BEND7: variants seen among roughly 807,000 people sequenced by gnomAD.
BEND7 encodes BEN domain-containing protein 7.
In BEND7, 28 loss-of-function variants were observed where a neutral mutation model predicts 50.9. The ratio of observed to expected loss-of-function variants is 0.55; its 90% CI spans 0.41 to 0.75. The LOEUF is 0.75. Ranked by LOEUF, BEND7 falls within the 30% of genes least tolerant of loss-of-function variation. BEND7 has a pLI of 0.00. For synonymous variants in BEND7, 170 were observed against 183.9 expected, an observed-to-expected ratio of 0.92 and a Z score of 0.61; for missense variants, 477 against 491.3, an observed-to-expected ratio of 0.97 and a Z score of 0.28.
chr10:13,450,886 G>C (rs1837524169), intron 7 of BEND7, among the ~76,000 whole-genome samples: 1 of 152,036 alleles, frequency 6.6e-6, no homozygotes. Flanking sequence ...ATGAGACATG[G>C]TTAGGGGATG....
At chr10:13,462,906 A>T (rs1465745066) in intron 6 of BEND7, among the ~76,000 whole-genome samples, 3 of 152,270 alleles carry the variant, frequency 2.0e-5, no homozygotes, top group Non-Finnish European at 4.4e-5. Context: ...TAGAGCAAAA[A>T]GACAGATGAT....
At chr10:13,464,594 A>G (rs1227673085) in intron 6 of BEND7, among the ~76,000 whole-genome samples, 1 of 152,110 alleles carries the variant, frequency 6.6e-6, no homozygotes, top group East Asian at 1.9e-4. Context: ...TAGAGAGGGG[A>G]TATGAAGTAA....
upstream of BEND7, among the ~76,000 whole-genome samples, chr10:13,529,201 G>GCCCGGGCACGGCCGGCCTGCCTGC (rs2079583226): frequency 6.9e-6 from 1 of 145,632 alleles, no homozygotes; most frequent in African/African-American, 2.5e-5. Context: ...CAGCGCCCTG[G>GCCCGGGCACGGCCGGCCTGCCTGC]CCCGGGCCCG....
intron 3 of BEND7, 145 bp from the exon 4 acceptor site, chr10:13,497,033 G>C: frequency 1.0e-6 from 1 of 977,530 alleles, no homozygotes; most frequent in Non-Finnish European, 1.4e-6. Flanking sequence ...TAAGGAAAAC[G>C]TACCCACTAA....
At chr10:13,446,378 T>A (rs1836325396) in intron 8 of BEND7, 1 of 152,208 alleles carries the variant, frequency 6.6e-6, no homozygotes, top group South Asian at 2.1e-4. Context: ...CTACACAACC[T>A]AGAGACTCCA....
At chr10:13,449,017 CAT>C (rs1282531743) in intron 7 of BEND7, among the ~76,000 whole-genome samples, 27 of 143,706 alleles carry the variant, frequency 1.9e-4, no homozygotes, top group Non-Finnish European at 4.6e-5. Context: ...TATTTAACAA[CAT>C]AAAAATATTC....
chr10:13,461,274 C>T (rs1201116149), intron 6 of BEND7, among the ~76,000 whole-genome samples: 1 of 152,304 alleles, frequency 6.6e-6, no homozygotes, highest in East Asian at 1.9e-4. Flanking sequence ...CAGGTTTCTA[C>T]ACCCACAGGG....
intron 7 of BEND7, among the ~76,000 whole-genome samples, chr10:13,449,835 G>C (rs2130979678): frequency 6.6e-6 from 1 of 152,318 alleles, no homozygotes; most frequent in South Asian, 2.1e-4. Context: ...TGCATGAATA[G>C]GGGCTGAGAG....
chr10:13,473,572 A>G (rs1174637313), intron 6 of BEND7, among the ~76,000 whole-genome samples: 1 of 90,642 alleles, frequency 1.1e-5, no homozygotes, highest in Non-Finnish European at 2.2e-5. Context: ...TAGGGCCAAT[A>G]TTGTCATCGC....
chr10:13,463,744 T>G (rs2073952097), intron 6 of BEND7, among the ~76,000 whole-genome samples: 1 of 152,098 alleles, frequency 6.6e-6, no homozygotes, highest in African/African-American at 2.4e-5. Context: ...CTGTCAAATC[T>G]CAACTTCGGT....
chr10:13,479,390 A>G (rs1054786314), intron 6 of BEND7, among the ~76,000 whole-genome samples: 1 of 152,164 alleles, frequency 6.6e-6, no homozygotes, highest in Non-Finnish European at 1.5e-5. Context: ...CACTTGTCAC[A>G]ATCTATTTCT....
chr10:13,439,392 G>A (rs754419392), downstream of BEND7: 17 of 1,614,142 alleles, frequency 1.1e-5, no homozygotes, highest in Non-Finnish European at 1.4e-5. Flanking sequence ...CCAGGGTTCT[G>A]CCATCTGTCC....
intron 6 of BEND7, among the ~76,000 whole-genome samples, chr10:13,453,021 C>T (rs1424720550): frequency 6.6e-6 from 1 of 152,208 alleles, no homozygotes; most frequent in African/African-American, 2.4e-5. Flanking sequence ...AAAGAGTTCA[C>T]TTTTTTGTTG....
At chr10:13,471,939 C>T (rs775933108) in intron 6 of BEND7, among the ~76,000 whole-genome samples, 2 of 151,718 alleles carry the variant, frequency 1.3e-5, no homozygotes, top group South Asian at 2.1e-4. Flanking sequence ...GACTCGGGGT[C>T]GATATCATCA....
intron 2 of BEND7, among the ~76,000 whole-genome samples, chr10:13,520,049 T>C (rs2078978606): frequency 6.6e-6 from 1 of 152,150 alleles, no homozygotes; most frequent in Non-Finnish European, 1.5e-5. Context: ...GAGCGGGGCC[T>C]CACTCCTCCA....
At chr10:13,458,131 G>A (rs1190113735) in intron 6 of BEND7, among the ~76,000 whole-genome samples, 1 of 152,240 alleles carries the variant, frequency 6.6e-6, no homozygotes, top group Non-Finnish European at 1.5e-5. Context: ...TGCTCAATCT[G>A]ATCCGTCCAT....
chr10:13,523,392 C>T (rs1014061360), intron 2 of BEND7, among the ~76,000 whole-genome samples: 2 of 152,248 alleles, frequency 1.3e-5, no homozygotes, highest in African/African-American at 4.8e-5. Flanking sequence ...ACAGCCTAAA[C>T]ATGTTCCAGA....
At chr10:13,477,116 T>G (rs1170409737) in intron 6 of BEND7, among the ~76,000 whole-genome samples, 2 of 152,216 alleles carry the variant, frequency 1.3e-5, no homozygotes, top group Admixed American at 6.5e-5. Flanking sequence ...TTCCTACTTA[T>G]AAGCATTTTA....
chr10:13,493,351 A>T (rs1158446225), intron 4 of BEND7, among the ~76,000 whole-genome samples: 1 of 152,222 alleles, frequency 6.6e-6, no homozygotes, highest in Non-Finnish European at 1.5e-5. Flanking sequence ...GACAGTGATG[A>T]TCATTTGCGC....
Sources: allele counts gnomAD v4.1 joint callset (sites outside exome capture counted in the v4.1 genomes callset), GRCh38; gene constraint gnomAD v4.1.1; transcripts MANE v1.5; gene names NCBI Gene and HGNC (gene_info 2026-07-23, HGNC 2026-07-21).